Variants in MCTP1 observed in about 807,000 individuals in gnomAD.
MCTP1 encodes the protein multiple C2 and transmembrane domain-containing protein 1.
In MCTP1, 69 loss-of-function variants were observed where a neutral mutation model predicts 120.6. The observed-to-expected ratio is 0.57, with a 90% CI of 0.47 to 0.70. The LOEUF is 0.70. MCTP1 is among the 30% of genes least tolerant of loss of function. The probability of loss-of-function intolerance (pLI) is 0.00; values close to 1 mark genes in which losing one functional copy is unlikely to be tolerated. For synonymous variants in MCTP1, 529 were observed against 493.1 expected (o/e 1.07, Z -0.96); for missense variants, 1,203 against 1,248.8 (o/e 0.96, Z 0.55).
chr5:95,021,267 C>T (rs1299246659), intron 1 of MCTP1, among the ~76,000 whole-genome samples: 1 of 151,914 alleles, frequency 6.6e-6, no homozygotes, highest in African/African-American at 2.4e-5. Flanking sequence ...TTATTTACTA[C>T]TGGGTGAAAA....
chr5:95,004,669 G>A (rs1379698059), intron 2 of MCTP1, among the ~76,000 whole-genome samples: 1 of 152,174 alleles, frequency 6.6e-6, no homozygotes, highest in Non-Finnish European at 1.5e-5. Context: ...CAAAAACCTT[G>A]GCAGCTTTCA....
intron 1 of MCTP1, among the ~76,000 whole-genome samples, chr5:95,171,443 T>A (rs1157881688): frequency 6.6e-6 from 1 of 152,220 alleles, no homozygotes; most frequent in Non-Finnish European, 1.5e-5. Context: ...ATTTCCTGAA[T>A]TTGAATGTTG....
intron 2 of MCTP1, among the ~76,000 whole-genome samples, chr5:94,956,740 A>G (rs1306702556): frequency 6.6e-6 from 1 of 152,192 alleles, no homozygotes; most frequent in Non-Finnish European, 1.5e-5. Flanking sequence ...AAAGGAATGA[A>G]CAAAGCCTCC....
At chr5:94,900,792 C>T (rs1208648698) in intron 10 of MCTP1, among the ~76,000 whole-genome samples, 1 of 152,166 alleles carries the variant, frequency 6.6e-6, no homozygotes, top group African/African-American at 2.4e-5. Flanking sequence ...CACTTAAACT[C>T]TTTGTACTTC....
intron 19 of MCTP1, among the ~76,000 whole-genome samples, chr5:94,735,197 A>G (rs987130371): frequency 1.3e-5 from 2 of 152,218 alleles, no homozygotes; most frequent in African/African-American, 4.8e-5. Flanking sequence ...TTTCCTTGCC[A>G]GGCCGTGTCA....
intron 1 of MCTP1, among the ~76,000 whole-genome samples, chr5:95,072,475 A>C (rs1008602843): frequency 1.3e-5 from 2 of 152,132 alleles, no homozygotes; most frequent in African/African-American, 2.4e-5. Flanking sequence ...CAGACATTAC[A>C]CTAGTGTTGG....
At chr5:95,111,796 A>G (rs1434953668) in intron 1 of MCTP1, among the ~76,000 whole-genome samples, 1 of 152,170 alleles carries the variant, frequency 6.6e-6, no homozygotes, top group East Asian at 1.9e-4. Flanking sequence ...TTAATTTTTC[A>G]TCAGTTTTGT....
At chr5:94,826,565 T>A in intron 17 of MCTP1, 1 of 733,030 alleles carries the variant, frequency 1.4e-6, no homozygotes, top group Non-Finnish European at 2.5e-6. Flanking sequence ...CCTCCTTCCC[T>A]TTCAAAGCAT....
intron 1 of MCTP1, among the ~76,000 whole-genome samples, chr5:95,226,714 T>C (rs559786611): frequency 6.6e-6 from 1 of 152,228 alleles, no homozygotes; most frequent in Non-Finnish European, 1.5e-5. Flanking sequence ...TAAGTAAAAA[T>C]GCAACTTTTT....
intron 2 of MCTP1, among the ~76,000 whole-genome samples, chr5:95,014,487 A>G (rs1457353139): frequency 6.6e-6 from 1 of 152,118 alleles, no homozygotes. Flanking sequence ...ATCTCATGAT[A>G]AAATGTGAAC....
intron 1 of MCTP1, among the ~76,000 whole-genome samples, chr5:95,101,173 G>A (rs1048850834): frequency 6.6e-6 from 1 of 151,684 alleles, no homozygotes; most frequent in African/African-American, 2.4e-5. Context: ...GTTCTTTTTT[G>A]CAAAAGAATT....
intron 17 of MCTP1, among the ~76,000 whole-genome samples, chr5:94,828,707 G>A (rs149778993): frequency 2.1e-4 from 32 of 152,274 alleles, no homozygotes; most frequent in African/African-American, 7.2e-4. Flanking sequence ...GCTGAGCTGC[G>A]GTGGGCTCTG....
intron 1 of MCTP1, among the ~76,000 whole-genome samples, chr5:95,093,987 C>T (rs1022124826): frequency 1.3e-5 from 2 of 152,158 alleles, no homozygotes; most frequent in African/African-American, 4.8e-5. Context: ...AGCTCCAGGC[C>T]AATGGCCAGC....
At chr5:95,250,680 G>A (rs1757299091) in intron 1 of MCTP1, among the ~76,000 whole-genome samples, 5 of 152,160 alleles carry the variant, frequency 3.3e-5, no homozygotes, top group Admixed American at 3.3e-4. Flanking sequence ...AAGCGTTCTT[G>A]AGTACAATTT....
chr5:94,772,270 G>T (rs999998164), intron 19 of MCTP1, among the ~76,000 whole-genome samples: 2 of 152,320 alleles, frequency 1.3e-5, no homozygotes, highest in Admixed American at 6.5e-5. Context: ...GAACAAGGGG[G>T]TTGGATTGTG....
chr5:94,793,312 T>C (rs957179682), intron 18 of MCTP1: 1 of 152,230 alleles, frequency 6.6e-6, no homozygotes, highest in African/African-American at 2.4e-5. Context: ...CAACATCTGA[T>C]TGGCTGTTGA....
At chr5:94,883,431 C>A (rs1436126031) in intron 12 of MCTP1, among the ~76,000 whole-genome samples, 1 of 152,042 alleles carries the variant, frequency 6.6e-6, no homozygotes, top group African/African-American at 2.4e-5. Flanking sequence ...TGTGTTAAAG[C>A]TTAGGATTTT....
At chr5:95,268,711 G>A (rs112407473) in intron 1 of MCTP1, among the ~76,000 whole-genome samples, 29 of 152,136 alleles carry the variant, frequency 1.9e-4, no homozygotes, top group African/African-American at 6.3e-4. Context: ...TAGGGAGGTC[G>A]GCAACGTTAA....
chr5:94,925,046 G>C (rs1328953254), intron 6 of MCTP1, among the ~76,000 whole-genome samples: 3 of 152,174 alleles, frequency 2.0e-5, no homozygotes, highest in Non-Finnish European at 2.9e-5. Context: ...TCATCCATCA[G>C]CTAAAATTTA....
Sources: gnomAD v4.1 joint callset for allele counts (sites outside exome capture counted in the v4.1 genomes callset) on GRCh38, gnomAD v4.1.1 for gene constraint, MANE v1.5 for transcripts, NCBI Gene and HGNC (gene_info 2026-07-23, HGNC 2026-07-21) for gene names.